The following SLC12A9 variants were observed in gnomAD, a reference collection of about 807,000 sequenced individuals.
SLC12A9 encodes the protein CCC-interacting protein 1.
A neutral mutation model predicts 66.0 loss-of-function variants in SLC12A9; 55 were observed. The ratio of observed to expected loss-of-function variants is 0.83; its 90% CI spans 0.67 to 1.04. The LOEUF is 1.04. Ranked by LOEUF, SLC12A9 falls within the 50% of genes least tolerant of loss-of-function variation. The pLI, the probability that SLC12A9 is intolerant of heterozygous loss-of-function variation, is 0.00. For missense variants in SLC12A9, 1,061 were observed against 1,241.9 expected (o/e 0.85, Z 2.19); for synonymous variants, 577 against 569.0 (o/e 1.01, Z -0.20).
chr7:100,829,406 G>A (rs572196982), intron 1 of SLC12A9, among the ~76,000 whole-genome samples: 104 of 152,258 alleles, frequency 6.8e-4, no homozygotes, highest in Non-Finnish European at 1.2e-3. Context: ...AAGGACAGCC[G>A]GGCCTGTGAT....
At chr7:100,852,039 A>G (rs1814102364), upstream of SLC12A9, among the ~76,000 whole-genome samples, 1 of 152,172 alleles carries the variant, frequency 6.6e-6, no homozygotes, top group Non-Finnish European at 1.5e-5. Flanking sequence ...GGCAGGTGGT[A>G]CTGCTGTTCA....
intron 1 of SLC12A9, among the ~76,000 whole-genome samples, chr7:100,829,146 C>A (rs1813492475): frequency 6.6e-6 from 1 of 152,156 alleles, no homozygotes; most frequent in African/African-American, 2.4e-5. Context: ...GGGCACCAAC[C>A]CCGGCTAGTT....
At position 100,854,714 on chromosome 7, in the gene SLC12A9, C is replaced by A; in HGVS notation, c.276C>A (p.Ala92=). ...CACTCACCGTCCTCTCTGTCTGTGC[C>A]ATCGCCACCAATGGAGCCGTGCAGG... ...ILALTVLSVC[A]IATNGAVQGG... is the part of the protein sequence containing the mutation. The change falls in exon 3 of 14, where the codon GCC becomes GCA. Residue 92 remains alanine, a synonymous_variant. Transcript: ENST00000354161. 1 of 1,614,104 alleles carries A rather than the reference C, an allele frequency of 6.2e-7. No individual in the cohort carries two copies. The highest frequency in any genetic ancestry group is 8.5e-7 in the Non-Finnish European group (1 of 1,180,014).
Position 100,856,834 on chromosome 7 carries a change from C to G in SLC12A9, c.449-34C>G, listed in dbSNP as rs373492092. The G allele has an allele frequency of 1.6e-4, 245 of 1,532,306 alleles. No individual in the cohort carries two copies. In the African/African-American group the frequency reaches 3.1e-3, roughly 19 times the overall value. The allele number at this position is 1,532,306 out of a possible 1,614,324, so 94.9% of individuals were successfully genotyped here. On this transcript the variant is annotated intron_variant, in intron 4 of 13. Transcript: ENST00000354161. ...CCCGGCTGGTGGGGTGCCTTAGGAT[C>G]GGGCCTTCTAACTCTGTCCCTACCT...
chr7:100,840,142 A>C (rs1813753069), intron 1 of SLC12A9, among the ~76,000 whole-genome samples: 1 of 152,112 alleles, frequency 6.6e-6, no homozygotes, highest in African/African-American at 2.4e-5. Flanking sequence ...AGTTTGGTGC[A>C]AACTGCGAAA....
chr7:100,845,334 C>G (rs1305828893), intron 1 of SLC12A9, among the ~76,000 whole-genome samples: 1 of 150,210 alleles, frequency 6.7e-6, no homozygotes, highest in Non-Finnish European at 1.5e-5. Context: ...GTGTTATTGG[C>G]GCTATTTTAT....
intron 1 of SLC12A9, among the ~76,000 whole-genome samples, chr7:100,840,187 T>C: frequency 6.9e-6 from 1 of 144,584 alleles, no homozygotes; most frequent in East Asian, 1.9e-4. Context: ...TTCTTTGTTT[T>C]GTGGTGTGCG....
intron 12 of SLC12A9, 108 bp from the exon 13 acceptor site, chr7:100,862,573 C>A (rs530679687): frequency 2.3e-6 from 3 of 1,313,672 alleles, no homozygotes; most frequent in Non-Finnish European, 3.2e-6. Flanking sequence ...TTTCCCATGA[C>A]CCCTCCAAGT....
Position 100,843,289 on chromosome 7 carries a change from C to A in SLC12A9, n.228+16242C>A, listed in dbSNP as rs1009996947. The stretch of plus-strand genomic sequence containing the variant: ...ATGTCTATTTAGACGCAATTGGAGT[C>A]CCATGAGGAATACCAGATCAATTTA... On this transcript the variant is annotated intron_variant and non_coding_transcript_variant, in intron 1 of 1. Coordinates refer to the SLC12A9 transcript ENST00000461016. Among the ~76,000 whole-genome samples the A allele has an allele frequency of 4.6e-5, 7 of 152,158 alleles. No homozygotes were observed. In the South Asian group the frequency reaches 1.2e-3, roughly 27 times the overall value.
Position 100,860,016 on chromosome 7 carries a change from A to G in SLC12A9, c.1109A>G (p.His370Arg), listed in dbSNP as rs1174612410. 1.9e-6 allele frequency: 3 copies of G among 1,613,852 alleles called. No individual in the cohort carries two copies. Among genetic ancestry groups the G allele is most frequent in the Non-Finnish European group, 1.7e-6 (2 of 1,179,912 alleles). Residue 370 changes from histidine (H) to arginine (R), a missense_variant, in exon 8 of 14, where the codon CAT (histidine) becomes CGT (arginine). Transcript: ENST00000354161. ...CTCATTGGTGCCTCCCGCATCCTCC[A>G]TGCCCTGGCCCGGGATGACCTCTTT... is the stretch of plus-strand genomic sequence containing the variant. ...SSLIGASRIL[H>R]ALARDDLFGV...
chr7:100,858,527 T>C (rs1814538979), intron 5 of SLC12A9: 2 of 267,594 alleles, frequency 7.5e-6, no homozygotes, highest in South Asian at 9.4e-5. Context: ...GAGGTAGAGG[T>C]TGCAGTGAGC....
Position 100,855,788 on chromosome 7 carries a change from C to T in SLC12A9, c.399C>T (p.Ala133=), listed in dbSNP as rs201547592. The change falls in exon 4 of 14, where the codon GCC becomes GCT. Residue 133 remains alanine, a synonymous_variant. Transcript: ENST00000354161. ...ACCTGGCTAACGTCTGTGGCTGTGC[C>T]GTCTCCCTCCTGGGGCTGGTGGAGT... ...MFYLANVCGC[A]VSLLGLVESV... The T allele has an allele frequency of 5.5e-5, 88 of 1,613,738 alleles. No homozygotes were observed. The highest frequency in any genetic ancestry group is 1.5e-4 in the Admixed American group (9 of 59,972).
In SLC12A9 at chr7:100,846,863, C is replaced by T. The variant is rs151324964; in HGVS notation, n.229-13022C>T. On this transcript the variant is annotated intron_variant and non_coding_transcript_variant, in intron 1 of 1. Coordinates refer to the SLC12A9 transcript ENST00000461016. ...CACCCTAGGCCTAGTAGTTAAAGATCGACCCCTGACCTAATCGGTTATGTT... is the reference window on the plus strand; with the variant it reads ...CACCCTAGGCCTAGTAGTTAAAGATTGACCCCTGACCTAATCGGTTATGTT... 8.7e-3 allele frequency among the ~76,000 whole-genome samples: 1,326 copies of T among 152,274 alleles called. 16 individuals are homozygous for T. Among genetic ancestry groups the T allele is most frequent in the Non-Finnish European group, 0.012 (811 of 68,032 alleles).
intron 4 of SLC12A9, chr7:100,856,396 C>T (rs372475848): frequency 8.1e-4 from 132 of 162,068 alleles, no homozygotes; most frequent in Admixed American, 2.3e-3. Flanking sequence ...TTAGTAGAGA[C>T]GGGGTTTCAC....
intron 1 of SLC12A9, among the ~76,000 whole-genome samples, chr7:100,844,967 G>A (rs1231437082): frequency 6.6e-6 from 1 of 151,960 alleles, no homozygotes; most frequent in African/African-American, 2.4e-5. Flanking sequence ...TATATGTGGA[G>A]GAGCTGTAAT....
upstream of SLC12A9, among the ~76,000 whole-genome samples, chr7:100,849,849 TTCTC>T (rs910054237): frequency 1.3e-5 from 2 of 151,380 alleles, no homozygotes; most frequent in Non-Finnish European, 2.9e-5. Context: ...ACTGTGCCCC[TTCTC>T]TCTCTCCCCA....
At chr7:100,859,601 C>G in intron 7 of SLC12A9, 1 of 429,926 alleles carries the variant, frequency 2.3e-6, no homozygotes, top group Non-Finnish European at 4.2e-6. Flanking sequence ...GTCTTGGCTA[C>G]TTGGGAGGCT....
chr7:100,857,107 T>C lies in SLC12A9; in HGVS notation c.688T>C (p.Ser230Pro), dbSNP rs200513543. Reference protein sequence around the residue: ...RLTPRPGPNGSSLPPRFGHFT... With the variant: ...RLTPRPGPNGPSLPPRFGHFT... ...GACTCCTAGGCCTGGCCCCAATGGC[T>C]CCTCCCTGCCGCCCCGGTTTGGCCA... The change falls in exon 5 of 14, where the codon TCC becomes CCC. Residue 230 changes from serine (S) to proline (P), a missense_variant. By Grantham distance (74) the Ser-to-Pro change is moderately conservative. Transcript: ENST00000354161. 3.2e-5 allele frequency: 52 copies of C among 1,613,966 alleles called. No individual in the cohort carries two copies. The highest frequency in any genetic ancestry group is 4.2e-5 in the Non-Finnish European group (50 of 1,180,040).
At chr7:100,847,241 C>A (rs944485108) in intron 1 of SLC12A9, among the ~76,000 whole-genome samples, 2 of 152,220 alleles carry the variant, frequency 1.3e-5, no homozygotes, top group Non-Finnish European at 2.9e-5. Context: ...CTCAAGTGAT[C>A]CACCCGCCTT....
Sources: gnomAD v4.1 joint callset for allele counts (sites outside exome capture counted in the v4.1 genomes callset) on GRCh38, gnomAD v4.1.1 for gene constraint, MANE v1.5 for transcripts, NCBI Gene and HGNC (gene_info 2026-07-23, HGNC 2026-07-21) for gene names.